Variants in CDH18 observed in about 807,000 individuals in gnomAD.
The protein encoded by CDH18 is cadherin-18.
Under a neutral mutation model 67.9 loss-of-function variants are expected in CDH18, and 31 were observed. The ratio of observed to expected loss-of-function variants is 0.46; its 90% confidence interval spans 0.34 to 0.62. CDH18 has a LOEUF of 0.62. Among genes scored for constraint, CDH18 ranks in the 20% least tolerant of loss-of-function variants. The pLI is 0.01. For missense variants in CDH18, 890 were observed against 975.5 expected (o/e 0.91, Z 1.17); for synonymous variants, 362 against 347.2 (o/e 1.04, Z -0.48).
chr5:20,363,288 C>A (rs1476400897), intron 1 of CDH18, among the ~76,000 whole-genome samples: 1 of 151,946 alleles, frequency 6.6e-6, no homozygotes. Context: ...AGCTCAAGAC[C>A]AGCCTGGCCA....
chr5:20,110,806 G>A (rs1285665324), intron 2 of CDH18, among the ~76,000 whole-genome samples: 3 of 152,150 alleles, frequency 2.0e-5, no homozygotes, highest in Non-Finnish European at 4.4e-5. Flanking sequence ...AAAATGAATT[G>A]AGAATATGGA....
chr5:20,470,616 G>A (rs547019118), intron 1 of CDH18, among the ~76,000 whole-genome samples: 9 of 152,098 alleles, frequency 5.9e-5, no homozygotes, highest in South Asian at 2.1e-4. Context: ...CTTCACTTCT[G>A]TTAGTATATT....
chr5:19,479,109 C>T (rs1220766041), intron 12 of CDH18, among the ~76,000 whole-genome samples: 1 of 152,110 alleles, frequency 6.6e-6, no homozygotes, highest in South Asian at 2.1e-4. Context: ...CAGAATGACT[C>T]TAAGGTCCTT....
intron 6 of CDH18, among the ~76,000 whole-genome samples, chr5:19,602,269 A>G (rs1273272133): frequency 6.6e-6 from 1 of 152,190 alleles, no homozygotes; most frequent in African/African-American, 2.4e-5. Flanking sequence ...CTAATAAAGT[A>G]ATTCAGCAAA....
intron 2 of CDH18, among the ~76,000 whole-genome samples, chr5:19,941,438 C>T (rs1352065704): frequency 6.6e-6 from 1 of 152,026 alleles, no homozygotes; most frequent in Non-Finnish European, 1.5e-5. Context: ...TCCAACTTTA[C>T]TGCCAGTGAG....
chr5:20,358,529 T>C (rs930817337), intron 1 of CDH18, among the ~76,000 whole-genome samples: 13 of 152,162 alleles, frequency 8.5e-5, no homozygotes, highest in Non-Finnish European at 1.8e-4. Context: ...AACTTAACTT[T>C]CTACAGAGCA....
chr5:20,056,680 C>T (rs1463668635), intron 2 of CDH18, among the ~76,000 whole-genome samples: 7 of 70,024 alleles, frequency 1.0e-4, no homozygotes, highest in African/African-American at 1.1e-4. Flanking sequence ...TCTATATTCT[C>T]TTTTTTTTTT....
intron 2 of CDH18, among the ~76,000 whole-genome samples, chr5:20,123,200 C>A (rs1463194845): frequency 6.6e-6 from 1 of 152,004 alleles, no homozygotes. Flanking sequence ...CATACGTGAT[C>A]TGGAAAAGAG....
At chr5:20,108,000 A>T (rs1209528581) in intron 2 of CDH18, among the ~76,000 whole-genome samples, 1 of 143,874 alleles carries the variant, frequency 7.0e-6, no homozygotes, top group Non-Finnish European at 1.5e-5. Flanking sequence ...AAATAAGGAT[A>T]CTAGTCATAT....
chr5:20,277,255 C>T (rs751105894), intron 1 of CDH18, among the ~76,000 whole-genome samples: 1 of 152,060 alleles, frequency 6.6e-6, no homozygotes, highest in Non-Finnish European at 1.5e-5. Flanking sequence ...TGGTGATGGC[C>T]ATGGGGTTGT....
chr5:20,040,212 G>T (rs1294663096), intron 2 of CDH18, among the ~76,000 whole-genome samples: 1 of 151,992 alleles, frequency 6.6e-6, no homozygotes, highest in African/African-American at 2.4e-5. Context: ...AAATGCTGGA[G>T]ACCATGGCAC....
chr5:19,871,084 G>A (rs1337441938), intron 2 of CDH18, among the ~76,000 whole-genome samples: 3 of 152,082 alleles, frequency 2.0e-5, no homozygotes, highest in African/African-American at 7.2e-5. Flanking sequence ...CCACAGATGT[G>A]CAGAGGTCAT....
At chr5:20,385,999 A>G (rs1744284041) in intron 1 of CDH18, among the ~76,000 whole-genome samples, 1 of 152,204 alleles carries the variant, frequency 6.6e-6, no homozygotes, top group South Asian at 2.1e-4. Context: ...TTTAATAATC[A>G]TTTACACATC....
At position 20,453,573 on chromosome 5, in the gene CDH18, ATGTGTG is replaced by A. The variant is rs5866426; in HGVS notation, c.-580+121883_-580+121888del. On this transcript the variant is annotated intron_variant, in intron 1 of 14. Coordinates refer to the CDH18 transcript ENST00000507958. ...TATGTATGTGTGTGTGTATATATAT[ATGTGTG>A]TGTGTGTGTGTGTATATGTATATAT... Among the ~76,000 whole-genome samples the A allele has an allele frequency of 3.5e-3, 522 of 150,712 alleles. 2 individuals are homozygous for A. Among genetic ancestry groups the A allele is most frequent in the African/African-American group, 0.012 (478 of 41,072 alleles).
At chr5:19,961,279 T>C (rs1165370383) in intron 2 of CDH18, among the ~76,000 whole-genome samples, 2 of 151,734 alleles carry the variant, frequency 1.3e-5, no homozygotes, top group Non-Finnish European at 2.9e-5. Context: ...CTAATTTGTT[T>C]TGTATTTTTA....
intron 3 of CDH18, among the ~76,000 whole-genome samples, chr5:19,754,193 C>T (rs1229014294): frequency 1.3e-5 from 2 of 151,960 alleles, no homozygotes; most frequent in Non-Finnish European, 2.9e-5. Flanking sequence ...TGCCTAAATG[C>T]TCCACTTAAA....
At chr5:20,227,387 T>A (rs1309322993) in intron 2 of CDH18, among the ~76,000 whole-genome samples, 1 of 152,096 alleles carries the variant, frequency 6.6e-6, no homozygotes, top group Non-Finnish European at 1.5e-5. Context: ...TAATACAGCA[T>A]GTCATCACAA....
chr5:19,715,292 C>G (rs1407675476), intron 5 of CDH18, among the ~76,000 whole-genome samples: 3 of 151,998 alleles, frequency 2.0e-5, no homozygotes, highest in African/African-American at 7.2e-5. Context: ...GTTGAAAAAC[C>G]TTGTTTTCAA....
chr5:20,086,858 G>A (rs1364193897), intron 2 of CDH18, among the ~76,000 whole-genome samples: 1 of 152,132 alleles, frequency 6.6e-6, no homozygotes, highest in Non-Finnish European at 1.5e-5. Flanking sequence ...TAGTTTTTAT[G>A]CCTGCTAACA....
Sources: allele counts gnomAD v4.1 joint callset (sites outside exome capture counted in the v4.1 genomes callset), GRCh38; gene constraint gnomAD v4.1.1; transcripts MANE v1.5; gene names NCBI Gene and HGNC (gene_info 2026-07-23, HGNC 2026-07-21).